GRID2: variants seen among roughly 807,000 people sequenced by gnomAD.
The protein encoded by GRID2 is glutamate receptor ionotropic, delta-2.
GRID2 carries 33 observed loss-of-function variants against 114.8 expected under a neutral mutation model. The observed-to-expected ratio is 0.29, with a 90% CI of 0.22 to 0.38. GRID2 has a LOEUF of 0.38. Among genes scored for constraint, GRID2 ranks in the 10% least tolerant of loss-of-function variants. The pLI is 1.00. For synonymous variants in GRID2, 505 were observed against 449.9 expected, an observed-to-expected ratio of 1.12 and a Z score of -1.55; for missense variants, 1,184 against 1,257.7, an observed-to-expected ratio of 0.94 and a Z score of 0.89.
At chr4:92,716,607 G>C (rs886549731) in intron 2 of GRID2, among the ~76,000 whole-genome samples, 5 of 152,054 alleles carry the variant, frequency 3.3e-5, no homozygotes, top group Admixed American at 2.0e-4. Context: ...ATAAATGAAG[G>C]CTTGTTCAGC....
At chr4:93,513,312 CAG>C (rs1729379076) in intron 12 of GRID2, among the ~76,000 whole-genome samples, 1 of 152,126 alleles carries the variant, frequency 6.6e-6, no homozygotes, top group Non-Finnish European at 1.5e-5. Flanking sequence ...CTCCACTAAA[CAG>C]GGGGATATAT....
At chr4:93,636,433 A>G (rs932970822) in intron 14 of GRID2, among the ~76,000 whole-genome samples, 3 of 151,998 alleles carry the variant, frequency 2.0e-5, no homozygotes, top group African/African-American at 7.2e-5. Flanking sequence ...ACACACACAC[A>G]TGCGCACACA....
At chr4:93,662,685 A>G (rs772540823) in intron 14 of GRID2, among the ~76,000 whole-genome samples, 6 of 152,182 alleles carry the variant, frequency 3.9e-5, no homozygotes, top group African/African-American at 4.8e-5. Flanking sequence ...AATTGGGAGC[A>G]ATGTTTGTAG....
intron 2 of GRID2, among the ~76,000 whole-genome samples, chr4:93,000,841 A>G (rs1181447335): frequency 6.6e-6 from 1 of 151,464 alleles, no homozygotes; most frequent in Non-Finnish European, 1.5e-5. Context: ...GGGTTGAAAA[A>G]CTATCTATTG....
chr4:93,439,602 T>C (rs1041547359), intron 10 of GRID2, among the ~76,000 whole-genome samples: 6 of 152,080 alleles, frequency 3.9e-5, no homozygotes, highest in African/African-American at 7.2e-5. Flanking sequence ...AAAAACTTCA[T>C]TGGGAATGTT....
intron 2 of GRID2, among the ~76,000 whole-genome samples, chr4:92,792,456 AACACACACACACACACACACACAC>A (rs35204445): frequency 5.1e-5 from 7 of 136,116 alleles, no homozygotes; most frequent in Admixed American, 3.8e-4. Flanking sequence ...CAGGCAAGAG[AACACACACACACACACACACACAC>A]ACACACACAC....
chr4:92,800,067 T>C (rs1740078053), intron 2 of GRID2, among the ~76,000 whole-genome samples: 1 of 151,978 alleles, frequency 6.6e-6, no homozygotes, highest in Admixed American at 6.6e-5. Context: ...TCATATGCTA[T>C]ATTATTTGCT....
chr4:93,561,832 T>G (rs1207717272), intron 13 of GRID2, among the ~76,000 whole-genome samples: 1 of 152,170 alleles, frequency 6.6e-6, no homozygotes, highest in Non-Finnish European at 1.5e-5. Context: ...CATCTAAGTT[T>G]CCTCCATGTC....
Position 92,885,901 on chromosome 4 carries a change from C to T in GRID2, c.245-199094C>T, listed in dbSNP as rs143150270. Among the ~76,000 whole-genome samples, 403 of 152,232 alleles carry T rather than the reference C, an allele frequency of 2.6e-3. 5 individuals are homozygous for T. Among genetic ancestry groups the T allele is most frequent in the African/African-American group, 9.4e-3 (391 of 41,538 alleles). ...GGGTATAGTAACTCTCAAGTAGGAA[C>T]CAACTGTGTTAAAATGTTAACTTCC... On this transcript the variant is annotated intron_variant, in intron 2 of 15. Coordinates refer to ENST00000282020, the MANE Select transcript of GRID2 (RefSeq NM_001510.4).
chr4:93,127,757 G>T (rs1177286932), intron 4 of GRID2, among the ~76,000 whole-genome samples: 1 of 152,008 alleles, frequency 6.6e-6, no homozygotes, highest in Non-Finnish European at 1.5e-5. Context: ...TAGTTCTTGG[G>T]AGGCTGAGGC....
At chr4:93,236,615 C>G (rs1400233747) in intron 7 of GRID2, among the ~76,000 whole-genome samples, 2 of 151,968 alleles carry the variant, frequency 1.3e-5, no homozygotes, top group Admixed American at 1.3e-4. Context: ...TATTACCAGT[C>G]TGTTTACCTG....
chr4:92,805,031 C>T (rs113022890), intron 2 of GRID2, among the ~76,000 whole-genome samples: 3 of 152,050 alleles, frequency 2.0e-5, no homozygotes, highest in African/African-American at 7.2e-5. Context: ...CCAAAGCTAT[C>T]CTAAGCTTTG....
rs541156518 is a variant in GRID2, at chr4:93,724,258, G to A, written c.2361-44952G>A. 7.2e-5 allele frequency among the ~76,000 whole-genome samples: 11 copies of A among 152,224 alleles called. No individual in the cohort carries two copies. The South Asian group carries it at 1.7e-3, about 23-fold the overall frequency. ...CTAGGTAAAATGTTCAAGCGCATGC[G>A]GGATTGTCATCTTCCTGAGGTGGAG... is the stretch of plus-strand genomic sequence containing the variant. On this transcript the variant is annotated intron_variant, in intron 14 of 15. Transcript: ENST00000282020.
intron 1 of GRID2, among the ~76,000 whole-genome samples, chr4:92,405,009 T>G (rs1414469105): frequency 1.3e-5 from 2 of 152,168 alleles, no homozygotes; most frequent in Admixed American, 1.3e-4. Context: ...CTGCACATCC[T>G]GCAAATTTAT....
chr4:93,156,887 G>C (rs1409204668), intron 4 of GRID2, among the ~76,000 whole-genome samples: 3 of 151,614 alleles, frequency 2.0e-5, no homozygotes, highest in Admixed American at 1.3e-4. Context: ...TGAAAAGTCA[G>C]TCACTCTTGT....
intron 1 of GRID2, among the ~76,000 whole-genome samples, chr4:92,376,814 A>G (rs964345705): frequency 1.1e-4 from 16 of 152,156 alleles, no homozygotes; most frequent in Admixed American, 3.3e-4. Flanking sequence ...CTCTGAAGCC[A>G]TGACCTGAGG....
intron 2 of GRID2, among the ~76,000 whole-genome samples, chr4:92,966,490 C>A (rs2149164254): frequency 6.6e-6 from 1 of 151,816 alleles, no homozygotes; most frequent in East Asian, 1.9e-4. Flanking sequence ...GGCTGTGTCC[C>A]CACCCAAATC....
chr4:93,115,479 G>A (rs1733155982), intron 4 of GRID2, among the ~76,000 whole-genome samples: 1 of 150,994 alleles, frequency 6.6e-6, no homozygotes, highest in Non-Finnish European at 1.5e-5. Context: ...TTCTGAGCTT[G>A]GAATTTTAAA....
chr4:93,716,032 T>C (rs973475612), intron 14 of GRID2, among the ~76,000 whole-genome samples: 2 of 152,184 alleles, frequency 1.3e-5, no homozygotes, highest in Non-Finnish European at 2.9e-5. Flanking sequence ...TGCTTCCAGC[T>C]TTTGCCCATT....
Sources: allele counts gnomAD v4.1 joint callset (sites outside exome capture counted in the v4.1 genomes callset), GRCh38; gene constraint gnomAD v4.1.1; transcripts MANE v1.5; gene names NCBI Gene and HGNC (gene_info 2026-07-23, HGNC 2026-07-21).